The following NAALADL2 variants were observed in gnomAD, a reference collection of about 807,000 sequenced individuals.
NAALADL2 encodes the protein inactive N-acetylated-alpha-linked acidic dipeptidase-like protein 2.
A neutral mutation model predicts 87.2 loss-of-function variants in NAALADL2; 76 were observed. The ratio of observed to expected loss-of-function variants is 0.87; its 90% CI spans 0.72 to 1.05. The LOEUF is 1.05. NAALADL2 is among the 50% of genes least tolerant of loss of function. The pLI, the probability that NAALADL2 is intolerant of heterozygous loss-of-function variation, is 0.00. For synonymous variants in NAALADL2, 354 were observed against 331.0 expected, an observed-to-expected ratio of 1.07 and a Z score of -0.75; for missense variants, 1,089 against 945.8, an observed-to-expected ratio of 1.15 and a Z score of -1.99.
chr3:174,843,311 C>G (rs1349627685), intron 3 of NAALADL2, among the ~76,000 whole-genome samples: 2 of 147,218 alleles, frequency 1.4e-5, no homozygotes, highest in African/African-American at 5.0e-5. Context: ...ATAATAGCAA[C>G]TTTTTTTTTT....
rs150776217 is a variant in NAALADL2 at position 174,743,959 on chromosome 3, G to T, written c.-9+6213G>T. ...TTTAGCAGTGTTGTATACAAGGAGT[G>T]CAGGGTATTTAGCAGGAGATATTTT... On this transcript the variant is annotated intron_variant, in intron 3 of 3. Transcript: ENST00000434257. Among the ~76,000 whole-genome samples, 514 of 152,016 alleles carry T rather than the reference G, an allele frequency of 3.4e-3. 2 individuals carry two copies. Among genetic ancestry groups the T allele is most frequent in the Middle Eastern group, 0.017 (5 of 294 alleles).
chr3:174,475,104 T>G (rs1228629004), intron 1 of NAALADL2, among the ~76,000 whole-genome samples: 1 of 151,734 alleles, frequency 6.6e-6, no homozygotes, highest in Non-Finnish European at 1.5e-5. Flanking sequence ...CCTAAATGAT[T>G]AGAGAAAAAT....
At chr3:174,479,353 C>G (rs1356019194) in intron 1 of NAALADL2, among the ~76,000 whole-genome samples, 1 of 152,032 alleles carries the variant, frequency 6.6e-6, no homozygotes, top group Admixed American at 6.6e-5. Flanking sequence ...CCTATTTATT[C>G]ACTAAAATAG....
chr3:175,581,841 C>T (rs944735922), intron 10 of NAALADL2, among the ~76,000 whole-genome samples: 1 of 152,124 alleles, frequency 6.6e-6, no homozygotes, highest in Admixed American at 6.5e-5. Flanking sequence ...GACCAGTCTA[C>T]TTTATTTTTT....
At chr3:174,499,797 G>T (rs975905504) in intron 1 of NAALADL2, among the ~76,000 whole-genome samples, 1 of 151,920 alleles carries the variant, frequency 6.6e-6, no homozygotes, top group African/African-American at 2.4e-5. Flanking sequence ...CTATCTCTAA[G>T]CTGACACTGT....
At chr3:175,441,964 T>C (rs1424562987) in intron 5 of NAALADL2, among the ~76,000 whole-genome samples, 2 of 152,084 alleles carry the variant, frequency 1.3e-5, no homozygotes, top group East Asian at 3.9e-4. Flanking sequence ...TTTTTTGAGA[T>C]GGAGTCTCGC....
At chr3:174,619,004 A>T (rs1179675652) in intron 2 of NAALADL2, among the ~76,000 whole-genome samples, 3 of 151,912 alleles carry the variant, frequency 2.0e-5, no homozygotes, top group East Asian at 1.9e-4. Context: ...AATGTGTCTG[A>T]GTCTAATTCT....
At chr3:174,586,397 T>A (rs1412654660) in intron 2 of NAALADL2, among the ~76,000 whole-genome samples, 1 of 152,158 alleles carries the variant, frequency 6.6e-6, no homozygotes, top group Admixed American at 6.5e-5. Context: ...AGTTTCCAGG[T>A]CAAAGGTGTT....
intron 1 of NAALADL2, among the ~76,000 whole-genome samples, chr3:175,045,262 C>T (rs1015942350): frequency 6.6e-5 from 10 of 152,218 alleles, no homozygotes; most frequent in South Asian, 6.2e-4. Context: ...ACACTCCACC[C>T]GAAGACATGA....
intron 3 of NAALADL2, among the ~76,000 whole-genome samples, chr3:175,253,361 A>G (rs529459255): frequency 6.6e-6 from 1 of 152,316 alleles, no homozygotes; most frequent in African/African-American, 2.4e-5. Context: ...ATATGTTTAC[A>G]CATGGACTAC....
At position 174,803,978 on chromosome 3, in the gene NAALADL2, T is replaced by A. The variant is rs182526054; in HGVS notation, c.-9+66232T>A. Among the ~76,000 whole-genome samples the A allele has an allele frequency of 3.3e-4, 50 of 152,328 alleles. No homozygotes were observed. The East Asian group carries it at 9.1e-3, about 28-fold the overall frequency. On this transcript the variant is annotated intron_variant, in intron 3 of 3. Coordinates refer to the NAALADL2 transcript ENST00000434257. ...CTCTTTTTTGGTTCCATATGAACTT[T>A]AAAGTAGTTTTTTCTAATTCTGTGA...
intron 2 of NAALADL2, among the ~76,000 whole-genome samples, chr3:174,680,327 C>A (rs545118073): frequency 9.2e-5 from 14 of 152,284 alleles, no homozygotes; most frequent in Admixed American, 9.2e-4. Flanking sequence ...GCTAGATAAT[C>A]TCATCGATGT....
chr3:175,426,366 A>C (rs1581835630), intron 5 of NAALADL2, among the ~76,000 whole-genome samples: 1 of 152,276 alleles, frequency 6.6e-6, no homozygotes. Context: ...CTATCTCAAA[A>C]CAAAACAAAG....
At chr3:175,470,615 T>A (rs73884431) in intron 8 of NAALADL2, among the ~76,000 whole-genome samples, 1 of 152,118 alleles carries the variant, frequency 6.6e-6, no homozygotes, top group African/African-American at 2.4e-5. Flanking sequence ...TATGACATAA[T>A]GTAATCTTTT....
At chr3:175,241,855 A>ATTTTTC (rs1746950250) in intron 3 of NAALADL2, among the ~76,000 whole-genome samples, 2 of 83,812 alleles carry the variant, frequency 2.4e-5, no homozygotes, top group Admixed American at 1.8e-4. Context: ...TGGATGCTGA[A>ATTTTTC]TTTTTTTTTT....
At chr3:174,534,784 A>G (rs926037623) in intron 1 of NAALADL2, among the ~76,000 whole-genome samples, 5 of 152,168 alleles carry the variant, frequency 3.3e-5, no homozygotes, top group Non-Finnish European at 7.4e-5. Flanking sequence ...TTGGAAAGAA[A>G]AAAGACATGG....
At chr3:174,827,401 C>G (rs1382819833) in intron 3 of NAALADL2, among the ~76,000 whole-genome samples, 2 of 151,998 alleles carry the variant, frequency 1.3e-5, no homozygotes, top group Non-Finnish European at 2.9e-5. Context: ...AGAGTATTTT[C>G]TTGCCTTTTC....
chr3:174,742,791 G>A (rs1048281478), intron 3 of NAALADL2, among the ~76,000 whole-genome samples: 1 of 150,320 alleles, frequency 6.7e-6, no homozygotes, highest in Admixed American at 6.6e-5. Flanking sequence ...AAATTTTGTA[G>A]GGTGTATTAT....
intron 1 of NAALADL2, among the ~76,000 whole-genome samples, chr3:174,509,061 T>C (rs1719407910): frequency 6.6e-6 from 1 of 152,022 alleles, no homozygotes; most frequent in Admixed American, 6.6e-5. Flanking sequence ...AATTTTTCTT[T>C]CCTGAAAATA....
Sources: allele counts gnomAD v4.1 joint callset (sites outside exome capture counted in the v4.1 genomes callset), GRCh38; gene constraint gnomAD v4.1.1; transcripts MANE v1.5; gene names NCBI Gene and HGNC (gene_info 2026-07-23, HGNC 2026-07-21).